Variants in ITFG1 observed in about 807,000 individuals in gnomAD.
ITFG1 encodes T-cell immunomodulatory protein.
Under a neutral mutation model 81.8 loss-of-function variants are expected in ITFG1, and 34 were observed. That is an observed-to-expected ratio of 0.42 (90% confidence interval 0.32 to 0.55). The LOEUF is 0.55. ITFG1 is among the 20% of genes least tolerant of loss of function. The pLI, the probability that ITFG1 is intolerant of heterozygous loss-of-function variation, is 0.17. For missense variants in ITFG1, 672 were observed against 755.4 expected, an observed-to-expected ratio of 0.89 and a Z score of 1.29; for synonymous variants, 285 against 270.6, an observed-to-expected ratio of 1.05 and a Z score of -0.52.
intron 10 of ITFG1, among the ~76,000 whole-genome samples, chr16:47,297,701 C>G (rs1427953999): frequency 6.7e-6 from 1 of 149,778 alleles, no homozygotes; most frequent in Non-Finnish European, 1.5e-5. Context: ...TGTTAAGTCT[C>G]ACATTGAGAA....
rs1256176679 is a variant in ITFG1, at chr16:47,368,790, T to A, written c.721-2921A>T. 2.0e-5 allele frequency among the ~76,000 whole-genome samples: 3 copies of A among 152,300 alleles called. 1 individual carries two copies. In the South Asian group the frequency reaches 6.2e-4, roughly 32 times the overall value. ...TATATAGATATAACCTCATGATTTA[T>A]CTCTATCAAGAAATATTGAAGTAAC... On this transcript the variant is annotated intron_variant, in intron 7 of 17. Coordinates refer to ENST00000320640, the MANE Select transcript of ITFG1 (RefSeq NM_030790.5).
intron 10 of ITFG1, among the ~76,000 whole-genome samples, chr16:47,278,990 TTTTTTA>T (rs781455983): frequency 2.0e-5 from 3 of 152,228 alleles, no homozygotes; most frequent in Non-Finnish European, 4.4e-5. Context: ...CTTCCTATTT[TTTTTTA>T]TTTTTGAGTT....
At chr16:47,271,986 T>G (rs1025723821) in intron 10 of ITFG1, among the ~76,000 whole-genome samples, 9 of 152,160 alleles carry the variant, frequency 5.9e-5, no homozygotes, top group Non-Finnish European at 1.2e-4. Context: ...GCAGTATTCA[T>G]AATAGCCAAA....
intron 8 of ITFG1, among the ~76,000 whole-genome samples, chr16:47,321,638 A>G (rs766675054): frequency 1.3e-5 from 2 of 152,192 alleles, no homozygotes; most frequent in Non-Finnish European, 2.9e-5. Flanking sequence ...GCAGAGTACT[A>G]TGACTGTGCC....
rs533411550 is a variant in ITFG1, at chr16:47,254,003, C to T, written c.1330+4629G>A. 1.6e-4 allele frequency among the ~76,000 whole-genome samples: 25 copies of T among 152,042 alleles called. 1 individual carries two copies. The South Asian group carries it at 4.8e-3, about 29-fold the overall frequency. On this transcript the variant is annotated intron_variant, in intron 12 of 17. Coordinates refer to ENST00000320640, the MANE Select transcript of ITFG1 (RefSeq NM_030790.5). ...ATACCTATAAAGGGCCTACTATACA[C>T]CAGACATGAGTATCAATGGACAGAA... is the stretch of plus-strand genomic sequence containing the variant.
intron 10 of ITFG1, among the ~76,000 whole-genome samples, chr16:47,295,409 G>A (rs1365516088): frequency 1.3e-5 from 2 of 152,116 alleles, no homozygotes; most frequent in African/African-American, 4.8e-5. Context: ...GTACATTTAG[G>A]AGAATTTGAT....
intron 2 of ITFG1, among the ~76,000 whole-genome samples, chr16:47,455,988 G>T (rs1042187586): frequency 6.6e-6 from 1 of 152,062 alleles, no homozygotes; most frequent in Non-Finnish European, 1.5e-5. Context: ...TAATGTAAGA[G>T]TATTTCAAAA....
At chr16:47,418,056 G>C (rs909552672) in intron 6 of ITFG1, among the ~76,000 whole-genome samples, 4 of 150,652 alleles carry the variant, frequency 2.7e-5, no homozygotes, top group South Asian at 2.1e-4. Context: ...TTTTTTTTTT[G>C]ATCTTTTTGA....
At chr16:47,443,477 A>G (rs964006656) in intron 5 of ITFG1, among the ~76,000 whole-genome samples, 5 of 152,234 alleles carry the variant, frequency 3.3e-5, no homozygotes, top group Admixed American at 6.5e-5. Flanking sequence ...TATTCACAAT[A>G]GCAAAGAGTT....
rs1448710668 is a variant in ITFG1 at position 47,258,619 on chromosome 16, G to A, written c.1330+13C>T. ...AGAAAGAGAACAAAATTAAATGTTA[G>A]TACTTTACTCACCAATAACTTTAAC... On this transcript the variant is annotated intron_variant, in intron 12 of 17. Transcript: ENST00000320640. The A allele has an allele frequency of 9.9e-6, 11 of 1,114,174 alleles. No homozygotes were observed. 69.0% of individuals were successfully genotyped at this position (1,114,174 alleles called of 1,614,324 possible). A position where few individuals can be genotyped will look rare whatever the true frequency, so the allele number is the denominator to read the frequency against.
intron 10 of ITFG1, among the ~76,000 whole-genome samples, chr16:47,304,785 T>C (rs967902713): frequency 1.3e-5 from 2 of 152,146 alleles, no homozygotes; most frequent in Admixed American, 6.5e-5. Context: ...CAAAAAAAAG[T>C]GCAAAATCTT....
chr16:47,218,195 T>C (rs1252030845), intron 14 of ITFG1: 1 of 152,176 alleles, frequency 6.6e-6, no homozygotes, highest in East Asian at 1.9e-4. Context: ...TGCTTATACT[T>C]CTTCATGGTT....
At chr16:47,278,897 T>C (rs1047812783) in intron 10 of ITFG1, among the ~76,000 whole-genome samples, 10 of 152,222 alleles carry the variant, frequency 6.6e-5, no homozygotes, top group Non-Finnish European at 1.3e-4. Flanking sequence ...TGAATACTTA[T>C]GAAAGACTTG....
intron 14 of ITFG1, among the ~76,000 whole-genome samples, chr16:47,193,123 C>T (rs1051359316): frequency 6.6e-6 from 1 of 151,968 alleles, no homozygotes; most frequent in Non-Finnish European, 1.5e-5. Context: ...AAGAGTACAA[C>T]TTCCAACCTC....
intron 13 of ITFG1, among the ~76,000 whole-genome samples, chr16:47,236,026 C>G (rs1002873579): frequency 3.3e-5 from 5 of 152,106 alleles, no homozygotes; most frequent in Non-Finnish European, 7.3e-5. Context: ...TGCAGAAAAG[C>G]CCAAAGGTGC....
chr16:47,297,352 T>C (rs1057140991), intron 10 of ITFG1, among the ~76,000 whole-genome samples: 5 of 152,208 alleles, frequency 3.3e-5, no homozygotes, highest in Middle Eastern at 3.2e-3. Flanking sequence ...AGCATGTAGA[T>C]GGCTGATTTT....
rs577954593 is a variant in ITFG1 at position 47,362,125 on chromosome 16, ACT to A, written c.802+3661_802+3662del. 9.2e-5 allele frequency among the ~76,000 whole-genome samples: 14 copies of A among 151,656 alleles called. No homozygotes were observed. In the South Asian group the frequency reaches 2.7e-3, roughly 29 times the overall value. On this transcript the variant is annotated intron_variant, in intron 8 of 17. Transcript: ENST00000320640. ...ATTCAGAGTCAATTTTTTACTTTTT[ACT>A]CTCTCTAGTGTCAAACCAATCAGCA...
At chr16:47,338,650 C>T (rs1157230124) in intron 8 of ITFG1, among the ~76,000 whole-genome samples, 3 of 151,050 alleles carry the variant, frequency 2.0e-5, no homozygotes, top group East Asian at 1.9e-4. Context: ...CAGACAAAAA[C>T]TTTACTTTTT....
chr16:47,380,958 T>G (rs1353200641), intron 6 of ITFG1, among the ~76,000 whole-genome samples: 1 of 152,216 alleles, frequency 6.6e-6, no homozygotes, highest in African/African-American at 2.4e-5. Context: ...AGTGAAAATA[T>G]TCAATGCACA....
Sources: gnomAD v4.1 joint callset for allele counts (sites outside exome capture counted in the v4.1 genomes callset) on GRCh38, gnomAD v4.1.1 for gene constraint, MANE v1.5 for transcripts, NCBI Gene and HGNC (gene_info 2026-07-23, HGNC 2026-07-21) for gene names.